The following ECT2 variants were observed in gnomAD, a reference collection of about 807,000 sequenced individuals.
ECT2 encodes protein ECT2.
A neutral mutation model predicts 116.9 loss-of-function variants in ECT2; 61 were observed. The ratio of observed to expected loss-of-function variants is 0.52; its 90% CI spans 0.42 to 0.65. The LOEUF (loss-of-function observed/expected upper bound fraction) is 0.65. Among genes scored for constraint, ECT2 ranks in the 30% least tolerant of loss-of-function variants. ECT2 has a pLI of 0.00. For synonymous variants in ECT2, 358 were observed against 346.4 expected (o/e 1.03, Z -0.37); for missense variants, 937 against 1,078.7 (o/e 0.87, Z 1.84).
chr3:172,798,561 A>T (rs546530838), intron 18 of ECT2, among the ~76,000 whole-genome samples: 1 of 152,192 alleles, frequency 6.6e-6, no homozygotes, highest in Non-Finnish European at 1.5e-5. Flanking sequence ...TGAATAACTG[A>T]TGAAGATAAT....
chr3:172,773,743 A>G (rs1168400832), intron 13 of ECT2, among the ~76,000 whole-genome samples, 160 bp from the exon 14 acceptor site: 1 of 152,254 alleles, frequency 6.6e-6, no homozygotes, highest in Non-Finnish European at 1.5e-5. Flanking sequence ...TACATAAAAT[A>G]GAATAGAAAA....
Position 172,807,795 on chromosome 3 carries a change from T to A in ECT2, c.2271T>A (p.Leu757=). 6.2e-7 allele frequency: 1 copy of A among 1,613,536 alleles called. No individual in the cohort carries two copies. The highest frequency in any genetic ancestry group is 1.1e-5 in the South Asian group (1 of 91,016). ...TEDCHNAFAL[L]VRPPTEQANV... is the part of the protein sequence containing the mutation. ...ATTGCCATAATGCTTTTGCCTTGCT[T>A]GTGAGGCCACCAACAGAGCAGGCAA... Residue 757 remains leucine, a synonymous_variant, in exon 22 of 25, where the codon CTT becomes CTA. Transcript: ENST00000392692.
intron 14 of ECT2, among the ~76,000 whole-genome samples, chr3:172,779,009 A>T (rs1309481676): frequency 6.6e-6 from 1 of 152,226 alleles, no homozygotes. Flanking sequence ...CAATGTTCTT[A>T]TGTAAGTATT....
Position 172,783,560 on chromosome 3 carries a change from GT to G in ECT2, c.1618-231del, listed in dbSNP as rs570230351. ...TACAATCAGCTTTAACATATCTTTT[GT>G]TTTTTTTCTGAGTCTTCCTGTTTTA... On this transcript the variant is annotated intron_variant, in intron 15 of 24. Coordinates refer to ENST00000392692, the MANE Select transcript of ECT2 (RefSeq NM_001258315.2). Among the ~76,000 whole-genome samples the G allele has an allele frequency of 2.3e-3, 354 of 151,316 alleles. 2 individuals are homozygous for G. The highest frequency in any genetic ancestry group is 8.1e-3 in the African/African-American group (336 of 41,298).
At chr3:172,763,640 C>T (rs527935620) in intron 11 of ECT2, among the ~76,000 whole-genome samples, 12 of 152,014 alleles carry the variant, frequency 7.9e-5, no homozygotes, top group Non-Finnish European at 1.3e-4. Context: ...AGTAGAATAT[C>T]GTTAAGGAAA....
chr3:172,806,017 A>C, intron 21 of ECT2, 148 bp downstream of exon 21: 6 of 772,472 alleles, frequency 7.8e-6, no homozygotes, highest in Non-Finnish European at 1.2e-5. Flanking sequence ...TTGCACCTCT[A>C]TCCCATCTCC....
At chr3:172,799,041 T>C (rs1441905514) in intron 18 of ECT2, among the ~76,000 whole-genome samples, 1 of 152,198 alleles carries the variant, frequency 6.6e-6, no homozygotes, top group Non-Finnish European at 1.5e-5. Flanking sequence ...AATCTGAAAT[T>C]TTTATGTGAT....
chr3:172,793,421 G>A (rs74976394), intron 18 of ECT2, among the ~76,000 whole-genome samples: 6,372 of 151,858 alleles, frequency 0.042, 164 homozygotes, highest in Non-Finnish European at 0.044. Flanking sequence ...CCAAAGTGCT[G>A]GGATTACAGG....
At chr3:172,812,037 T>G (rs1487350888) in intron 22 of ECT2, among the ~76,000 whole-genome samples, 4 of 150,572 alleles carry the variant, frequency 2.7e-5, no homozygotes, top group African/African-American at 9.8e-5. Flanking sequence ...CAGGCTGGAG[T>G]GCAGTGGCAC....
intron 18 of ECT2, 66 bp from the exon 19 acceptor site, chr3:172,802,550 C>T: frequency 1.0e-6 from 1 of 973,034 alleles, no homozygotes; most frequent in South Asian, 1.7e-5. Flanking sequence ...CAACTTGTGA[C>T]ATGAGTTGTG....
intron 18 of ECT2, among the ~76,000 whole-genome samples, chr3:172,792,736 G>T (rs1438216270): frequency 6.6e-6 from 1 of 151,824 alleles, no homozygotes; most frequent in Non-Finnish European, 1.5e-5. Flanking sequence ...TTTGGTGGAG[G>T]GGGTGGTATC....
In ECT2 at chr3:172,755,588, A is replaced by G; in HGVS notation, c.303+13A>G. The G allele has an allele frequency of 7.6e-7, 1 of 1,311,046 alleles. No homozygotes were observed. Among genetic ancestry groups the G allele is most frequent in the Non-Finnish European group, 1.0e-6 (1 of 964,712 alleles). 81.2% of individuals were successfully genotyped at this position (1,311,046 alleles called of 1,614,324 possible). ...TGTTATTAATATGGTAGGTCAAAGT[A>G]ACTCATTGCATGTGGCATGCTGCAC... On this transcript the variant is annotated intron_variant, in intron 4 of 24. Coordinates refer to ENST00000392692, the MANE Select transcript of ECT2 (RefSeq NM_001258315.2).
chr3:172,820,098 T>G (rs770200056), intron 24 of ECT2, 50 bp from the exon 25 acceptor site: 2 of 1,463,726 alleles, frequency 1.4e-6, no homozygotes, highest in Non-Finnish European at 1.9e-6. Flanking sequence ...TATTTTACAA[T>G]TTTTTTAAAG....
chr3:172,805,171 TA>T (rs1403880605), intron 20 of ECT2, among the ~76,000 whole-genome samples: 1 of 151,896 alleles, frequency 6.6e-6, no homozygotes, highest in Non-Finnish European at 1.5e-5. Context: ...TCAAAATGGG[TA>T]AAATCTATGT....
At position 172,766,370 on chromosome 3, in the gene ECT2, G is replaced by A. The variant is rs536625888; in HGVS notation, c.1291+1870G>A. ...GACTGTAATATCTGAACTGTATATT[G>A]TCATCAACAAGGAATTTTAGAAACT... On this transcript the variant is annotated intron_variant, in intron 12 of 24. Coordinates refer to ENST00000392692, the MANE Select transcript of ECT2 (RefSeq NM_001258315.2). Among the ~76,000 whole-genome samples the A allele has an allele frequency of 2.0e-5, 3 of 152,304 alleles. No individual in the cohort carries two copies. The South Asian group carries it at 6.2e-4, about 32-fold the overall frequency.
rs375426341 is a variant in ECT2, at chr3:172,781,760, T to A, written c.1549-403T>A. On this transcript the variant is annotated intron_variant, in intron 14 of 24. Transcript: ENST00000392692. ...CACACTTTTAAATTTACTGACCCCCTGTTAGAGATTACAGTTTTTAATGAC... is the reference window on the plus strand; with the variant it reads ...CACACTTTTAAATTTACTGACCCCCAGTTAGAGATTACAGTTTTTAATGAC... Among the ~76,000 whole-genome samples, 81 of 152,256 alleles carry A rather than the reference T, an allele frequency of 5.3e-4. 1 individual carries two copies. In the South Asian group the frequency reaches 0.016, roughly 30 times the overall value.
At chr3:172,765,727 G>A (rs1026323754) in intron 12 of ECT2, among the ~76,000 whole-genome samples, 2 of 152,030 alleles carry the variant, frequency 1.3e-5, no homozygotes, top group Non-Finnish European at 2.9e-5. Context: ...TCACTTAATG[G>A]CTTTCTATTA....
intron 12 of ECT2, among the ~76,000 whole-genome samples, chr3:172,764,812 T>C (rs994598314): frequency 3.9e-5 from 6 of 152,308 alleles, no homozygotes; most frequent in African/African-American, 1.4e-4. Context: ...TAGAGAGTGA[T>C]AGTGCTGTTC....
chr3:172,773,898 T>A lies in ECT2; in HGVS notation c.1429-5T>A. The A allele has an allele frequency of 6.2e-7, 1 of 1,612,544 alleles. No individual in the cohort carries two copies. Among genetic ancestry groups the A allele is most frequent in the Non-Finnish European group, 8.5e-7 (1 of 1,178,952 alleles). On this transcript the variant is annotated splice_polypyrimidine_tract_variant and splice_region_variant and intron_variant, in intron 13 of 24. Transcript: ENST00000392692. ...CTACTTAAACTAGTCTTTTTTCTCA[T>A]TTAGTTATTTCAAGTACCATTGGAA...
Sources: gnomAD v4.1 joint callset for allele counts (sites outside exome capture counted in the v4.1 genomes callset) on GRCh38, gnomAD v4.1.1 for gene constraint, MANE v1.5 for transcripts, NCBI Gene and HGNC (gene_info 2026-07-23, HGNC 2026-07-21) for gene names.